TACC1: variants seen among roughly 807,000 people sequenced by gnomAD.
TACC1 encodes transforming acidic coiled-coil-containing protein 1.
In TACC1, 48 loss-of-function variants were observed where a neutral mutation model predicts 84.4. That is an observed-to-expected ratio of 0.57 (90% confidence interval 0.45 to 0.72). The LOEUF (loss-of-function observed/expected upper bound fraction) is 0.72, where lower values mean the gene tolerates loss of function less well. TACC1 is among the 30% of genes least tolerant of loss of function. The probability of loss-of-function intolerance (pLI) is 0.00; values close to 1 mark genes in which losing one functional copy is unlikely to be tolerated. For missense variants in TACC1, 920 were observed against 973.0 expected, an observed-to-expected ratio of 0.95 and a Z score of 0.72; for synonymous variants, 372 against 376.3, an observed-to-expected ratio of 0.99 and a Z score of 0.13.
chr8:38,823,201 C>T (rs1190756234), intron 3 of TACC1, among the ~76,000 whole-genome samples: 2 of 152,196 alleles, frequency 1.3e-5, no homozygotes, highest in Non-Finnish European at 2.9e-5. Context: ...GGAACCAGTT[C>T]CTCAGCAGCC....
intron 2 of TACC1, among the ~76,000 whole-genome samples, chr8:38,795,027 C>T (rs1306046317): frequency 6.6e-6 from 1 of 152,014 alleles, no homozygotes; most frequent in Non-Finnish European, 1.5e-5. Flanking sequence ...TTTGTTTTTT[C>T]ATGTATTTTT....
At chr8:38,823,460 C>A (rs1827320500) in intron 3 of TACC1, among the ~76,000 whole-genome samples, 1 of 152,114 alleles carries the variant, frequency 6.6e-6, no homozygotes, top group African/African-American at 2.4e-5. Context: ...ATTTGTGAGT[C>A]TTTGAGTTGC....
In TACC1 at chr8:38,851,993, C is replaced by G; in HGVS notation, c.*3970C>G. 2.2e-6 allele frequency: 1 copy of G among 456,488 alleles called. No individual in the cohort carries two copies. Among genetic ancestry groups the G allele is most frequent in the Non-Finnish European group, 4.4e-6 (1 of 226,922 alleles). 28.3% of individuals were successfully genotyped at this position (456,488 alleles called of 1,614,324 possible). A position where few individuals can be genotyped will look rare whatever the true frequency, so the allele number is the denominator to read the frequency against. ...GCAACTTACCACTAAATCCTTGAGTCTCCATAGAGTAACAGTAAAGAAACT... is the reference window on the plus strand; with the variant it reads ...GCAACTTACCACTAAATCCTTGAGTGTCCATAGAGTAACAGTAAAGAAACT... On this transcript the variant is annotated 3_prime_UTR_variant, in exon 13 of 13. Transcript: ENST00000317827.
At chr8:38,786,981 T>TC (rs1817295909), upstream of TACC1, among the ~76,000 whole-genome samples, 1 of 151,634 alleles carries the variant, frequency 6.6e-6, no homozygotes, top group African/African-American at 2.4e-5. Context: ...AAAACGGTCC[T>TC]CCTCTGCCCC....
rs1832699656 is a variant in TACC1, at chr8:38,848,537, A to C, written c.*514A>C. 6.5e-6 allele frequency: 1 copy of C among 152,820 alleles called. No homozygotes were observed. Among genetic ancestry groups the C allele is most frequent in the South Asian group, 2.1e-4 (1 of 4,838 alleles). The allele number at this position is 152,820 out of a possible 1,614,324, so 9.5% of individuals were successfully genotyped here. On this transcript the variant is annotated 3_prime_UTR_variant, in exon 13 of 13. Coordinates refer to ENST00000317827, the MANE Select transcript of TACC1 (RefSeq NM_006283.3). ...CCTTTTAAATTACACACACTCTCACACACATACATGTATGTTTATAGATGC... is the reference window on the plus strand; with the variant it reads ...CCTTTTAAATTACACACACTCTCACCCACATACATGTATGTTTATAGATGC...
chr8:38,748,565 A>G (rs1426775313), intron 3 of TACC1, among the ~76,000 whole-genome samples: 1 of 152,188 alleles, frequency 6.6e-6, no homozygotes, highest in Non-Finnish European at 1.5e-5. Context: ...AAGTTTTAAT[A>G]AATATTAAAA....
chr8:38,798,551 G>A (rs1253779978), intron 2 of TACC1, among the ~76,000 whole-genome samples: 1 of 151,588 alleles, frequency 6.6e-6, no homozygotes, highest in Non-Finnish European at 1.5e-5. Flanking sequence ...TTTGTTTGGG[G>A]GTTTTTTGGA....
chr8:38,751,834 G>A (rs1372781397), intron 3 of TACC1, among the ~76,000 whole-genome samples: 2 of 152,084 alleles, frequency 1.3e-5, no homozygotes, highest in Non-Finnish European at 2.9e-5. Flanking sequence ...GCCTGTAAAC[G>A]AGAATACTAA....
intron 1 of TACC1, among the ~76,000 whole-genome samples, chr8:38,730,541 T>C (rs1446027821): frequency 2.0e-5 from 3 of 152,210 alleles, no homozygotes; most frequent in African/African-American, 7.2e-5. Flanking sequence ...CCCTATAAGG[T>C]AGCTTTTGGC....
At chr8:38,745,428 C>T (rs558878415) in exon 3 of TACC1, 11 of 653,924 alleles carry the variant, frequency 1.7e-5, no homozygotes, top group South Asian at 6.7e-5. Context: ...GAAAATGGAA[C>T]GTAGTCTTAA....
chr8:38,756,549 G>A (rs1194428487), intron 3 of TACC1, among the ~76,000 whole-genome samples: 3 of 152,078 alleles, frequency 2.0e-5, no homozygotes, highest in African/African-American at 7.2e-5. Context: ...ATAGGGATAG[G>A]TGTTTGTTTG....
chr8:38,808,331 C>A (rs1325809257), intron 2 of TACC1, among the ~76,000 whole-genome samples: 1 of 152,186 alleles, frequency 6.6e-6, no homozygotes, highest in Non-Finnish European at 1.5e-5. Flanking sequence ...GAGATTGGGA[C>A]CTGGAGCCTA....
chr8:38,751,944 T>C (rs1006106463), intron 3 of TACC1, among the ~76,000 whole-genome samples: 2 of 152,178 alleles, frequency 1.3e-5, no homozygotes, highest in Non-Finnish European at 2.9e-5. Context: ...CTATAAGTAT[T>C]ACCCACTGTT....
intron 3 of TACC1, among the ~76,000 whole-genome samples, chr8:38,758,436 G>A (rs532381356): frequency 2.6e-5 from 4 of 152,220 alleles, no homozygotes; most frequent in African/African-American, 7.2e-5. Context: ...CCAGCACTTT[G>A]GGAGGCCGAG....
At chr8:38,838,243 A>G (rs1830587797) in intron 7 of TACC1, among the ~76,000 whole-genome samples, 1 of 152,204 alleles carries the variant, frequency 6.6e-6, no homozygotes, top group Non-Finnish European at 1.5e-5. Context: ...ACTACTTGGG[A>G]TTTCTGAGAG....
At chr8:38,779,482 C>T (rs11784655) in intron 3 of TACC1, among the ~76,000 whole-genome samples, 30,348 of 152,186 alleles carry the variant, frequency 0.2, 3,571 homozygotes, top group Non-Finnish European at 0.27. Context: ...TTCCACCCTC[C>T]GGGTGTCTTC....
At chr8:38,745,882 G>A (rs1808000748) in intron 3 of TACC1, among the ~76,000 whole-genome samples, 1 of 152,190 alleles carries the variant, frequency 6.6e-6, no homozygotes. Context: ...GTCTCACTCT[G>A]TCACACAGGC....
At position 38,820,492 on chromosome 8, in the gene TACC1, C is replaced by T. The variant is rs147340183; in HGVS notation, c.1248C>T (p.His416=). The T allele has an allele frequency of 3.4e-5, 55 of 1,614,086 alleles. No homozygotes were observed. The highest frequency in any genetic ancestry group is 4.2e-5 in the Non-Finnish European group (49 of 1,180,044). The change falls in exon 3 of 13, where the codon CAC becomes CAT. Residue 416 remains histidine (H), a synonymous_variant. Coordinates refer to ENST00000317827, the MANE Select transcript of TACC1 (RefSeq NM_006283.3). ...SPPLSSEGSY[H]FDPDNFDESM... is the part of the protein sequence containing the mutation. ...CCCTCTCTTCTGAGGGCTCCTACCA[C>T]TTTGACCCAGATAACTTTGACGAAT...
At chr8:38,733,097 C>T (rs1457562715) in intron 1 of TACC1, among the ~76,000 whole-genome samples, 1 of 152,174 alleles carries the variant, frequency 6.6e-6, no homozygotes, top group Non-Finnish European at 1.5e-5. Context: ...AATCGTGAAG[C>T]AAGTTGCCTT....
Sources: allele counts gnomAD v4.1 joint callset (sites outside exome capture counted in the v4.1 genomes callset), GRCh38; gene constraint gnomAD v4.1.1; transcripts MANE v1.5; gene names NCBI Gene and HGNC (gene_info 2026-07-23, HGNC 2026-07-21).